SYNE1: variants seen among roughly 807,000 people sequenced by gnomAD.
The protein encoded by SYNE1 is spectrin repeat containing nuclear envelope protein 1, also known as nesprin-1.
In SYNE1, 616 loss-of-function variants were observed where a neutral mutation model predicts 1,111.0. That is an observed-to-expected ratio of 0.55 (90% CI 0.52 to 0.59). The LOEUF (loss-of-function observed/expected upper bound fraction) is 0.59, where lower values mean the gene tolerates loss of function less well. Ranked by LOEUF, SYNE1 falls within the 20% of genes least tolerant of loss-of-function variation. SYNE1 has a pLI of 0.00. For synonymous variants in SYNE1, 3,855 were observed against 3,825.8 expected (o/e 1.01, Z -0.28); for missense variants, 10,006 against 10,417.0 (o/e 0.96, Z 1.72).
intron 41 of SYNE1, among the ~76,000 whole-genome samples, chr6:152,415,982 A>T (rs2098147432): frequency 6.6e-6 from 1 of 152,150 alleles, no homozygotes; most frequent in Admixed American, 6.5e-5. Flanking sequence ...TCCAAAGATG[A>T]TTTTGAGGGC....
intron 53 of SYNE1, among the ~76,000 whole-genome samples, chr6:152,389,754 CTT>C (rs2097579279): frequency 6.6e-6 from 1 of 152,194 alleles, no homozygotes; most frequent in Non-Finnish European, 1.5e-5. Context: ...ATGTTCCACA[CTT>C]TGTAGGATAT....
At chr6:152,323,221 C>T (rs1004536768) in intron 82 of SYNE1, among the ~76,000 whole-genome samples, 25 of 152,172 alleles carry the variant, frequency 1.6e-4, no homozygotes, top group African/African-American at 6.0e-4. Context: ...GAGGCCGAGG[C>T]GGGCGGATCA....
chr6:152,572,752 G>T (rs1429398074), intron 3 of SYNE1, among the ~76,000 whole-genome samples: 1 of 152,172 alleles, frequency 6.6e-6, no homozygotes, highest in Non-Finnish European at 1.5e-5. Flanking sequence ...ATGAATTGGT[G>T]TAATGCCAAA....
At chr6:152,522,159 T>C (rs2099142755) in intron 5 of SYNE1, among the ~76,000 whole-genome samples, 1 of 152,030 alleles carries the variant, frequency 6.6e-6, no homozygotes, top group African/African-American at 2.4e-5. Context: ...AAGTCTCAGA[T>C]TGTAGTGCAC....
intron 73 of SYNE1, among the ~76,000 whole-genome samples, chr6:152,346,653 A>C (rs1385178189): frequency 6.6e-6 from 1 of 151,962 alleles, no homozygotes; most frequent in Admixed American, 6.6e-5. Context: ...TACTAAAAAT[A>C]CAAAAAATTA....
At position 152,326,966 on chromosome 6, in the gene SYNE1, A is replaced by G. The variant is rs189789250; in HGVS notation, c.14956-333T>C. On this transcript the variant is annotated intron_variant, in intron 78 of 145. Transcript: ENST00000367255. Reference sequence around the variant, plus strand: ...GTAATATGTGGCAGACTGGATGTTTATCAAAGTGCAGTAATGTCTCCGTTG... The same window carrying G: ...GTAATATGTGGCAGACTGGATGTTTGTCAAAGTGCAGTAATGTCTCCGTTG... 1.3e-3 allele frequency among the ~76,000 whole-genome samples: 191 copies of G among 152,342 alleles called. 1 individual carries two copies. The highest frequency in any genetic ancestry group is 9.7e-3 in the South Asian group (47 of 4,826).
At chr6:152,167,865 CT>C (rs1206866741) in intron 130 of SYNE1, 1 of 694,242 alleles carries the variant, frequency 1.4e-6, no homozygotes. Flanking sequence ...CCAGAGACAA[CT>C]GGAATACAGA....
At chr6:152,563,617 GA>G (rs1448467059) in intron 3 of SYNE1, among the ~76,000 whole-genome samples, 1 of 152,068 alleles carries the variant, frequency 6.6e-6, no homozygotes, top group Non-Finnish European at 1.5e-5. Context: ...AATAAAGCTG[GA>G]AAAAATTTTA....
chr6:152,433,342 T>G (rs908001799), intron 34 of SYNE1, among the ~76,000 whole-genome samples: 1 of 152,144 alleles, frequency 6.6e-6, no homozygotes, highest in Non-Finnish European at 1.5e-5. Context: ...GGAGTAGAAC[T>G]GCTTCACTTA....
Position 152,336,926 on chromosome 6 carries a change from T to C in SYNE1, c.12443A>G (p.Asp4148Gly), listed in dbSNP as rs1293728170. The C allele has an allele frequency of 2.5e-6, 4 of 1,614,084 alleles. No individual in the cohort carries two copies. Among genetic ancestry groups the C allele is most frequent in the African/African-American group, 1.3e-5 (1 of 74,946 alleles). ...LKSELWIYLQDADQQLQNMKR... is the reference protein window; with the variant it reads ...LKSELWIYLQGADQQLQNMKR... The stretch of plus-strand genomic sequence containing the variant: ...CATGTTCTGCAGTTGCTGATCAGCA[T>C]CTTGCAGGTAAATCCAGAGCTCAGA... Residue 4148 changes from aspartate (D) to glycine (G), a missense_variant, in exon 76 of 146, where the codon GAT becomes GGT. Physicochemically the swap from Asp to Gly is moderately conservative, Grantham distance 94. Coordinates refer to ENST00000367255, the MANE Select transcript of SYNE1 (RefSeq NM_182961.4).
intron 40 of SYNE1, among the ~76,000 whole-genome samples, chr6:152,417,496 TCAAA>T (rs541192012): frequency 0.033 from 4,347 of 131,212 alleles, 153 homozygotes; most frequent in African/African-American, 0.095. Context: ...AAACTCCGTC[TCAAA>T]CAAACAAACA....
At position 152,309,923 on chromosome 6, in the gene SYNE1, C is replaced by T; in HGVS notation, c.17114G>A (p.Ser5705Asn). Reference sequence around the variant, plus strand: ...CAGAGCAGCATGACAGAGAGGTAAGCTGGCAACCACATCCTCGGGGATCCG... The same window carrying T: ...CAGAGCAGCATGACAGAGAGGTAAGTTGGCAACCACATCCTCGGGGATCCG... ...ALRIPEDVVA[S>N]LPLCHAALRL... Residue 5705 changes from serine to asparagine, a missense_variant, in exon 90 of 146, where the codon AGC (serine) becomes AAC (asparagine). By Grantham distance (46) the Ser-to-Asn change is conservative. Coordinates refer to ENST00000367255, the MANE Select transcript of SYNE1 (RefSeq NM_182961.4). 6.2e-7 allele frequency: 1 copy of T among 1,614,170 alleles called. No individual in the cohort carries two copies. The highest frequency in any genetic ancestry group is 8.5e-7 in the Non-Finnish European group (1 of 1,180,044).
At position 152,143,627 on chromosome 6, in the gene SYNE1, C is replaced by A. The variant is rs1160559450; in HGVS notation, c.25115G>T (p.Gly8372Val). The part of the protein sequence containing the change: ...TGPELDTSYK[G>V]YMKLLGECSS... ...CAGGATGGCCAGGATACTTACGTAG[C>A]CTTTGTAGCTGGTGTCTAGCTCCGG... The change falls in exon 138 of 146, where the codon GGC becomes GTC. Residue 8372 changes from glycine (G) to valine (V), a missense_variant. Coordinates refer to ENST00000367255, the MANE Select transcript of SYNE1 (RefSeq NM_182961.4). 1.2e-6 allele frequency: 2 copies of A among 1,614,036 alleles called. No homozygotes were observed. Among genetic ancestry groups the A allele is most frequent in the Admixed American group, 1.7e-5 (1 of 60,000 alleles).
chr6:152,201,979 G>C, intron 126 of SYNE1, 30 bp from the exon 127 acceptor site: 1 of 1,611,758 alleles, frequency 6.2e-7, no homozygotes, highest in Non-Finnish European at 8.5e-7. Flanking sequence ...AAATAGCATA[G>C]ATGTTTTTGA....
chr6:152,246,505 T>C, intron 105 of SYNE1, among the ~76,000 whole-genome samples: 1 of 151,270 alleles, frequency 6.6e-6, no homozygotes, highest in Non-Finnish European at 1.5e-5. Context: ...GAGTCTGGAG[T>C]TGAAATTGAG....
chr6:152,494,763 C>T (rs989912290), intron 11 of SYNE1, among the ~76,000 whole-genome samples: 1 of 152,180 alleles, frequency 6.6e-6, no homozygotes, highest in Admixed American at 6.5e-5. Flanking sequence ...CTTCTCAAGG[C>T]TGCTTTACTT....
intron 3 of SYNE1, among the ~76,000 whole-genome samples, chr6:152,568,289 C>CTTTTTTTTTTTTTTTTTTTTT (rs10601350): frequency 1.2e-5 from 1 of 80,310 alleles, no homozygotes; most frequent in Non-Finnish European, 2.2e-5. Context: ...TTATTTTATT[C>CTTTTTTTTTTTTTTTTTTTTT]TTTTTTTTTT....
At chr6:152,191,347 G>A (rs2072301903) in intron 127 of SYNE1, among the ~76,000 whole-genome samples, 1 of 151,854 alleles carries the variant, frequency 6.6e-6, no homozygotes, top group South Asian at 2.1e-4. Context: ...AATAGATTGA[G>A]TAGGATTGGT....
At chr6:152,343,990 TAC>T in intron 74 of SYNE1, 89 bp downstream of exon 74, 1 of 1,560,362 alleles carries the variant, frequency 6.4e-7, no homozygotes, top group Non-Finnish European at 8.8e-7. Context: ...CAGGAGTCAA[TAC>T]AGTTTGGCAC....
Sources: allele counts gnomAD v4.1 joint callset (sites outside exome capture counted in the v4.1 genomes callset), GRCh38; gene constraint gnomAD v4.1.1; transcripts MANE v1.5; gene names NCBI Gene and HGNC (gene_info 2026-07-23, HGNC 2026-07-21).